Variants in PHKB observed in about 807,000 individuals in gnomAD.
PHKB encodes phosphorylase b kinase regulatory subunit beta.
A neutral mutation model predicts 152.1 loss-of-function variants in PHKB; 122 were observed. The ratio of observed to expected loss-of-function variants is 0.80; its 90% confidence interval spans 0.69 to 0.93. The LOEUF (loss-of-function observed/expected upper bound fraction) is 0.93, where lower values mean the gene tolerates loss of function less well. Among genes scored for constraint, PHKB ranks in the 40% least tolerant of loss-of-function variants. The pLI, the probability that PHKB is intolerant of heterozygous loss-of-function variation, is 0.00. For synonymous variants in PHKB, 436 were observed against 464.9 expected (o/e 0.94, Z 0.80); for missense variants, 1,304 against 1,328.4 (o/e 0.98, Z 0.29).
At chr16:47,677,342 T>A (rs1386662247) in intron 26 of PHKB, among the ~76,000 whole-genome samples, 1 of 152,214 alleles carries the variant, frequency 6.6e-6, no homozygotes, top group Non-Finnish European at 1.5e-5. Flanking sequence ...AAAAAGTCCC[T>A]TCTTGCAGCT....
chr16:47,596,079 A>T (rs1013822843), intron 12 of PHKB, among the ~76,000 whole-genome samples: 4 of 152,188 alleles, frequency 2.6e-5, no homozygotes, highest in Non-Finnish European at 4.4e-5. Context: ...AGATAATTGA[A>T]TCATGGGGGG....
intron 1 of PHKB, among the ~76,000 whole-genome samples, chr16:47,466,784 T>C (rs992585815): frequency 2.0e-5 from 3 of 152,210 alleles, no homozygotes; most frequent in Admixed American, 6.5e-5. Flanking sequence ...TATATAGCAG[T>C]CTTGTTTTCA....
At chr16:47,694,857 T>C (rs1974121226) in intron 28 of PHKB, among the ~76,000 whole-genome samples, 1 of 152,236 alleles carries the variant, frequency 6.6e-6, no homozygotes, top group African/African-American at 2.4e-5. Flanking sequence ...GATTTTCATT[T>C]AATTGTCTGG....
chr16:47,601,609 G>A (rs1038409755), intron 13 of PHKB, among the ~76,000 whole-genome samples: 1 of 152,022 alleles, frequency 6.6e-6, no homozygotes. Context: ...GGAGGCTGAG[G>A]CAGGAGAATC....
At chr16:47,624,829 T>C (rs1454856041) in intron 14 of PHKB, among the ~76,000 whole-genome samples, 1 of 152,202 alleles carries the variant, frequency 6.6e-6, no homozygotes, top group African/African-American at 2.4e-5. Context: ...TAATGCACAG[T>C]CTGGCTTCTT....
intron 20 of PHKB, among the ~76,000 whole-genome samples, chr16:47,659,385 A>G (rs1023515411): frequency 1.3e-5 from 2 of 152,180 alleles, no homozygotes; most frequent in Admixed American, 1.3e-4. Context: ...TATGTTATAA[A>G]TATTTTATAA....
intron 9 of PHKB, 54 bp from the exon 10 acceptor site, chr16:47,588,851 G>T: frequency 6.9e-7 from 1 of 1,450,400 alleles, no homozygotes; most frequent in Non-Finnish European, 9.7e-7. Flanking sequence ...TCCTTGGGCT[G>T]TGTTGATCAC....
At chr16:47,463,766 A>C in intron 1 of PHKB, 1 of 647,650 alleles carries the variant, frequency 1.5e-6, no homozygotes, top group Non-Finnish European at 2.7e-6. Flanking sequence ...AAAAGAGAAA[A>C]TAAAATTATA....
intron 6 of PHKB, among the ~76,000 whole-genome samples, chr16:47,544,401 A>G (rs1971120967): frequency 6.6e-6 from 1 of 152,130 alleles, no homozygotes; most frequent in South Asian, 2.1e-4. Flanking sequence ...TGCGGTTTTG[A>G]GTGAGTTTGT....
intron 1 of PHKB, among the ~76,000 whole-genome samples, chr16:47,466,287 CA>C (rs1372937722): frequency 6.6e-6 from 1 of 152,162 alleles, no homozygotes; most frequent in African/African-American, 2.4e-5. Context: ...AGAAATTCAA[CA>C]GCCAAAATAA....
chr16:47,462,197 C>G (rs1471364386), intron 1 of PHKB: 2 of 152,152 alleles, frequency 1.3e-5, no homozygotes, highest in Non-Finnish European at 2.9e-5. Context: ...AAGGCATGCA[C>G]TTAAACAGGA....
chr16:47,650,762 C>A, intron 19 of PHKB, 69 bp from the exon 20 acceptor site: 1 of 1,310,558 alleles, frequency 7.6e-7, no homozygotes, highest in Non-Finnish European at 1.1e-6. Flanking sequence ...ATAAGGGGCA[C>A]TTAGTATTAG....
chr16:47,536,495 T>C (rs975300674), intron 6 of PHKB, among the ~76,000 whole-genome samples: 1 of 152,238 alleles, frequency 6.6e-6, no homozygotes, highest in Non-Finnish European at 1.5e-5. Context: ...CAGTTTCTTA[T>C]GTGAAAAAAC....
In PHKB at chr16:47,650,865, G is replaced by T. The variant is rs1202707665; in HGVS notation, c.1915G>T (p.Ala639Ser). ...GTTCAACCCCATATTAGATATGCTG[G>T]CAGCCCTTAAAAAAGGAATAATTGG... The part of the protein sequence containing the change: ...SRFNPILDML[A>S]ALKKGIIGGV... The change falls in exon 20 of 31, where the codon GCA becomes TCA. Residue 639 changes from alanine to serine, a missense_variant. Transcript: ENST00000323584. The T allele has an allele frequency of 1.2e-6, 2 of 1,613,560 alleles. No homozygotes were observed. Among genetic ancestry groups the T allele is most frequent in the Non-Finnish European group, 1.7e-6 (2 of 1,179,666 alleles).
At chr16:47,556,787 G>A (rs1262191550) in intron 7 of PHKB, among the ~76,000 whole-genome samples, 27 of 152,292 alleles carry the variant, frequency 1.8e-4, no homozygotes, top group South Asian at 1.2e-3. Flanking sequence ...GCCTCATAAA[G>A]TGAGTTAGGG....
intron 6 of PHKB, among the ~76,000 whole-genome samples, chr16:47,520,937 T>C (rs1373266194): frequency 6.6e-6 from 1 of 152,174 alleles, no homozygotes; most frequent in Non-Finnish European, 1.5e-5. Flanking sequence ...TAAAATTTCT[T>C]CTAATGTGGT....
intron 14 of PHKB, among the ~76,000 whole-genome samples, chr16:47,635,571 G>A (rs1330817159): frequency 6.6e-6 from 1 of 152,204 alleles, no homozygotes; most frequent in African/African-American, 2.4e-5. Flanking sequence ...GTAGATTTAA[G>A]GATGGAGATC....
Position 47,649,192 on chromosome 16 carries a change from AGAT to A in PHKB, c.1788_1790del (p.Asp597del). On this transcript the variant is annotated inframe_deletion, in exon 18 of 31. Coordinates refer to ENST00000323584, the MANE Select transcript of PHKB (RefSeq NM_000293.3). ...TGTCTCAGGATGTTTTCCTGCTGAT[AGAT>A]GACATAAAGGTAGCTTCGGAACACC... 1 of 1,572,070 alleles carries A rather than the reference AGAT, an allele frequency of 6.4e-7. No homozygotes were observed. The highest frequency in any genetic ancestry group is 1.1e-5 in the South Asian group (1 of 90,262).
chr16:47,691,686 G>A (rs1313566333), intron 27 of PHKB, among the ~76,000 whole-genome samples: 10 of 148,902 alleles, frequency 6.7e-5, no homozygotes, highest in Non-Finnish European at 1.3e-4. Context: ...CTCAGTGATA[G>A]AGTCAGATCC....
Sources: gnomAD v4.1 joint callset for allele counts (sites outside exome capture counted in the v4.1 genomes callset) on GRCh38, gnomAD v4.1.1 for gene constraint, MANE v1.5 for transcripts, NCBI Gene and HGNC (gene_info 2026-07-23, HGNC 2026-07-21) for gene names.